ELMO1: variants seen among roughly 807,000 people sequenced by gnomAD.
ELMO1 encodes engulfment and cell motility 1.
In ELMO1, 26 loss-of-function variants were observed where a neutral mutation model predicts 98.9. The ratio of observed to expected loss-of-function variants is 0.26; its 90% CI spans 0.19 to 0.36. ELMO1 has a LOEUF of 0.36. Ranked by LOEUF, ELMO1 falls within the 10% of genes least tolerant of loss-of-function variation. The pLI is 1.00. For missense variants in ELMO1, 627 were observed against 935.2 expected (o/e 0.67, Z 4.30); for synonymous variants, 346 against 346.0 (o/e 1.00, Z 0.00).
intron 16 of ELMO1, among the ~76,000 whole-genome samples, chr7:36,957,741 G>C: frequency 6.6e-6 from 1 of 152,152 alleles, no homozygotes; most frequent in Admixed American, 6.5e-5. Flanking sequence ...GACAAGATAA[G>C]TAAACAACAA....
chr7:36,994,723 AGGTGCTGGGTCCAGCTCT>A (rs1268181077), intron 16 of ELMO1, among the ~76,000 whole-genome samples: 1 of 152,230 alleles, frequency 6.6e-6, no homozygotes, highest in Non-Finnish European at 1.5e-5. Flanking sequence ...CAAGCATTCT[AGGTGCTGGGTCCAGCTCT>A]GTCTGCAATG....
intron 15 of ELMO1, among the ~76,000 whole-genome samples, chr7:37,047,134 C>T (rs1171373363): frequency 6.6e-6 from 1 of 152,228 alleles, no homozygotes; most frequent in African/African-American, 2.4e-5. Flanking sequence ...TGAATGTCTA[C>T]AGGCATAGAG....
chr7:37,231,761 T>C (rs1260855822), intron 8 of ELMO1, among the ~76,000 whole-genome samples: 1 of 152,146 alleles, frequency 6.6e-6, no homozygotes, highest in African/African-American at 2.4e-5. Flanking sequence ...CACCACAGCT[T>C]ATTTATCAAT....
rs1786366116 is a variant in ELMO1, at chr7:36,934,788, G to T, written c.1438-39771C>A. Among the ~76,000 whole-genome samples, 4 of 152,312 alleles carry T rather than the reference G, an allele frequency of 2.6e-5. No homozygotes were observed. The South Asian group carries it at 8.3e-4, about 32-fold the overall frequency. On this transcript the variant is annotated intron_variant, in intron 16 of 21. Coordinates refer to ENST00000310758, the MANE Select transcript of ELMO1 (RefSeq NM_014800.11). The stretch of plus-strand genomic sequence containing the variant: ...AAGCTTTAAATAGCTAAGGGCCAGA[G>T]AAATTCTAAAGAAAAATGCACAGAA...
intron 7 of ELMO1, 119 bp from the exon 8 acceptor site, chr7:37,233,313 G>T: frequency 1.3e-6 from 1 of 784,258 alleles, no homozygotes; most frequent in Non-Finnish European, 2.0e-6. Context: ...GAGACAAATA[G>T]CAGGACCACA....
At chr7:36,914,538 G>A (rs933573325) in intron 16 of ELMO1, among the ~76,000 whole-genome samples, 10 of 147,044 alleles carry the variant, frequency 6.8e-5, no homozygotes, top group African/African-American at 1.3e-4. Flanking sequence ...TTTTTGAGAC[G>A]GAGTCTCACT....
chr7:37,323,117 A>G (rs577247980), intron 2 of ELMO1, among the ~76,000 whole-genome samples: 59 of 152,244 alleles, frequency 3.9e-4, no homozygotes, highest in Middle Eastern at 3.4e-3. Flanking sequence ...CAGCATATCA[A>G]AGTCTTTCTT....
intron 1 of ELMO1, among the ~76,000 whole-genome samples, chr7:37,373,852 A>G (rs1045697111): frequency 1.3e-5 from 2 of 152,242 alleles, no homozygotes; most frequent in Non-Finnish European, 2.9e-5. Flanking sequence ...TCTGAGCTCA[A>G]CAAAGGCTCA....
intron 21 of ELMO1, among the ~76,000 whole-genome samples, 188 bp downstream of exon 21, chr7:36,861,471 C>T (rs1222813645): frequency 6.6e-6 from 1 of 152,050 alleles, no homozygotes; most frequent in African/African-American, 2.4e-5. Flanking sequence ...AATCAAGCTA[C>T]TAAGAAGTTG....
At chr7:37,018,558 C>T (rs956150388) in intron 15 of ELMO1, among the ~76,000 whole-genome samples, 1 of 151,846 alleles carries the variant, frequency 6.6e-6, no homozygotes, top group African/African-American at 2.4e-5. Context: ...CTCACTGCAA[C>T]CTCTTCCTCC....
intron 1 of ELMO1, among the ~76,000 whole-genome samples, chr7:37,360,151 G>C (rs1801646130): frequency 6.6e-6 from 1 of 152,152 alleles, no homozygotes; most frequent in Non-Finnish European, 1.5e-5. Flanking sequence ...CCTCCCCTTA[G>C]AGAAAGAACA....
At position 37,279,725 on chromosome 7, in the gene ELMO1, A is replaced by T. The variant is rs146349868; in HGVS notation, c.193-7843T>A. Among the ~76,000 whole-genome samples, 304 of 152,332 alleles carry T rather than the reference A, an allele frequency of 2.0e-3. 1 individual carries two copies. The highest frequency in any genetic ancestry group is 3.7e-3 in the Non-Finnish European group (251 of 68,020). On this transcript the variant is annotated intron_variant, in intron 4 of 21. Transcript: ENST00000310758. ...GCAGGCCATTACCACCTGGCACCAC[A>T]GGGATCCAACGGGAGGGTGGCCAGT...
intron 8 of ELMO1, among the ~76,000 whole-genome samples, chr7:37,225,584 C>T (rs1226862845): frequency 2.0e-5 from 3 of 152,208 alleles, no homozygotes; most frequent in Non-Finnish European, 4.4e-5. Context: ...ACTCGTTACC[C>T]CTTTCTTCCA....
chr7:37,157,723 T>C (rs574455821), intron 13 of ELMO1, among the ~76,000 whole-genome samples: 3 of 152,198 alleles, frequency 2.0e-5, no homozygotes, highest in Admixed American at 6.5e-5. Context: ...AAAATGGCCA[T>C]ACTGCCCAAG....
intron 1 of ELMO1, among the ~76,000 whole-genome samples, chr7:37,345,846 G>A (rs578154898): frequency 4.6e-5 from 7 of 150,950 alleles, no homozygotes; most frequent in East Asian, 4.0e-4. Flanking sequence ...AAAATTAGCC[G>A]GGCGTGGTGG....
intron 13 of ELMO1, among the ~76,000 whole-genome samples, chr7:37,175,633 C>T (rs1224607658): frequency 2.0e-5 from 3 of 152,122 alleles, no homozygotes; most frequent in Admixed American, 1.3e-4. Flanking sequence ...ATTGCCTGAG[C>T]TCAGGAGTTC....
intron 16 of ELMO1, among the ~76,000 whole-genome samples, chr7:36,961,838 T>C (rs1425531508): frequency 6.6e-6 from 1 of 152,196 alleles, no homozygotes; most frequent in African/African-American, 2.4e-5. Flanking sequence ...CTTTCTACCC[T>C]GACCTTTAAT....
intron 1 of ELMO1, among the ~76,000 whole-genome samples, chr7:37,343,738 G>A (rs1800842518): frequency 6.6e-6 from 1 of 152,068 alleles, no homozygotes; most frequent in African/African-American, 2.4e-5. Flanking sequence ...GCCTCCCAAA[G>A]TGCTGCGATT....
chr7:37,213,451 T>C lies in ELMO1; in HGVS notation c.838A>G (p.Ile280Val), dbSNP rs1228592270. The change falls in exon 12 of 22, where the codon ATC becomes GTC. Residue 280 changes from isoleucine (I) to valine (V), a missense_variant. Physicochemically the swap from Ile to Val is conservative, Grantham distance 29 (BLOSUM62 3). Around this residue, in one of 3 missense-constraint regions of ELMO1, gnomAD observed 492 missense variants for 715.6 expected, o/e 0.69. Coordinates refer to ENST00000310758, the MANE Select transcript of ELMO1 (RefSeq NM_014800.11). Reference protein sequence around the residue: ...QLRSIILTHVIRAQRAINNEM... With the variant: ...QLRSIILTHVVRAQRAINNEM... ...TTGTTGATGGCCCGCTGGGCTCGGA[T>C]GACATGCTAGGGAGATGGTTCACAA... is the stretch of plus-strand genomic sequence containing the variant. 6.2e-7 allele frequency: 1 copy of C among 1,611,410 alleles called. No homozygotes were observed. The highest frequency in any genetic ancestry group is 1.7e-5 in the Admixed American group (1 of 59,864).
Sources: allele counts gnomAD v4.1 joint callset (sites outside exome capture counted in the v4.1 genomes callset), GRCh38; gene constraint gnomAD v4.1.1; regional missense constraint gnomAD v4.1.1; transcripts MANE v1.5; gene names NCBI Gene and HGNC (gene_info 2026-07-23, HGNC 2026-07-21).